The following SLC24A2 variants were observed in gnomAD, a reference collection of about 807,000 sequenced individuals.
The protein encoded by SLC24A2 is sodium/potassium/calcium exchanger 2.
SLC24A2 carries 36 observed loss-of-function variants against 62.0 expected under a neutral mutation model. That is an observed-to-expected ratio of 0.58 (90% CI 0.44 to 0.77). The LOEUF is 0.77. SLC24A2 is among the 30% of genes least tolerant of loss of function. The probability of loss-of-function intolerance (pLI) is 0.00; values close to 1 mark genes in which losing one functional copy is unlikely to be tolerated. For synonymous variants in SLC24A2, 358 were observed against 294.0 expected (o/e 1.22, Z -2.23); for missense variants, 846 against 817.9 (o/e 1.03, Z -0.42).
chr9:19,797,910 C>A, the SLC24A2 span, among the ~76,000 whole-genome samples: 8 of 152,182 alleles, frequency 5.3e-5, no homozygotes, highest in Admixed American at 2.0e-4. Context: ...TTCTTATTTT[C>A]AGCCCCTTCT....
At chr9:20,194,203 C>T in the SLC24A2 span, among the ~76,000 whole-genome samples, 4 of 151,732 alleles carry the variant, frequency 2.6e-5, no homozygotes, top group African/African-American at 4.8e-5. Context: ...GTCATGAAAA[C>T]CAGAAATCAA....
intron 8 of SLC24A2, among the ~76,000 whole-genome samples, chr9:19,535,737 G>A (rs989334280): frequency 1.3e-5 from 2 of 152,146 alleles, no homozygotes; most frequent in African/African-American, 4.8e-5. Flanking sequence ...CCAGTACCAT[G>A]CTGTTTTGGT....
intron 2 of SLC24A2, among the ~76,000 whole-genome samples, chr9:19,743,062 C>G (rs913397912): frequency 3.3e-5 from 5 of 152,126 alleles, no homozygotes; most frequent in Admixed American, 2.0e-4. Context: ...TGATATTTCC[C>G]TAAGTCTGAA....
At chr9:20,272,586 G>A in the SLC24A2 span, among the ~76,000 whole-genome samples, 1 of 152,130 alleles carries the variant, frequency 6.6e-6, no homozygotes, top group African/African-American at 2.4e-5. Context: ...GGAAAACTGA[G>A]AAACTAAAAC....
the SLC24A2 span, among the ~76,000 whole-genome samples, chr9:19,894,999 T>C: frequency 1.3e-5 from 2 of 152,324 alleles, no homozygotes; most frequent in South Asian, 4.1e-4. Flanking sequence ...TTTCAAAGCT[T>C]TCAAGACAAA....
the SLC24A2 span, among the ~76,000 whole-genome samples, chr9:19,838,464 C>CAG: frequency 5.0e-5 from 6 of 119,878 alleles, no homozygotes; most frequent in Admixed American, 3.1e-4. Flanking sequence ...ACCACACACA[C>CAG]ACACACACAC....
chr9:20,194,693 T>A, the SLC24A2 span, among the ~76,000 whole-genome samples: 2 of 152,184 alleles, frequency 1.3e-5, no homozygotes, highest in African/African-American at 4.8e-5. Context: ...ATGTTGTCTA[T>A]CCCTGTCTCT....
At chr9:19,637,532 GA>G in intron 2 of SLC24A2, among the ~76,000 whole-genome samples, 1 of 152,308 alleles carries the variant, frequency 6.6e-6, no homozygotes, top group Admixed American at 6.5e-5. Context: ...AAACAAATAA[GA>G]AAAAGTCTCC....
At chr9:20,221,815 A>G in the SLC24A2 span, among the ~76,000 whole-genome samples, 1 of 152,040 alleles carries the variant, frequency 6.6e-6, no homozygotes, top group Non-Finnish European at 1.5e-5. Flanking sequence ...CTGCAATTTC[A>G]TGTCCAGTCT....
the SLC24A2 span, among the ~76,000 whole-genome samples, chr9:20,255,771 T>C: frequency 1.3e-5 from 2 of 152,172 alleles, no homozygotes; most frequent in African/African-American, 4.8e-5. Context: ...ATAGAACACA[T>C]TCAGGTTAAA....
chr9:19,779,653 G>A (rs990352646), intron 2 of SLC24A2, among the ~76,000 whole-genome samples: 4 of 151,786 alleles, frequency 2.6e-5, no homozygotes, highest in Non-Finnish European at 5.9e-5. Flanking sequence ...GGAATGAGGA[G>A]GGGAAAAACC....
chr9:19,617,821 C>T (rs1013266285), intron 4 of SLC24A2, among the ~76,000 whole-genome samples: 35 of 152,160 alleles, frequency 2.3e-4, no homozygotes, highest in African/African-American at 7.7e-4. Flanking sequence ...ATGACATAAC[C>T]TGATTTACTT....
At chr9:20,235,309 G>T in the SLC24A2 span, among the ~76,000 whole-genome samples, 1 of 152,212 alleles carries the variant, frequency 6.6e-6, no homozygotes, top group Non-Finnish European at 1.5e-5. Flanking sequence ...GTTTGTCTGT[G>T]CCCTGCCCCC....
chr9:19,622,734 A>G (rs1422870453), intron 2 of SLC24A2, among the ~76,000 whole-genome samples: 1 of 152,270 alleles, frequency 6.6e-6, no homozygotes, highest in Admixed American at 6.5e-5. Flanking sequence ...TAGTGCATAT[A>G]AAGAAAAAAA....
At chr9:19,959,807 G>A in the SLC24A2 span, among the ~76,000 whole-genome samples, 2 of 152,132 alleles carry the variant, frequency 1.3e-5, no homozygotes, top group Non-Finnish European at 2.9e-5. Flanking sequence ...GTGTTAAGAA[G>A]TTTACACGAT....
At chr9:19,633,688 G>A (rs1432901507) in intron 2 of SLC24A2, among the ~76,000 whole-genome samples, 1 of 152,096 alleles carries the variant, frequency 6.6e-6, no homozygotes, top group Non-Finnish European at 1.5e-5. Context: ...TTTCTGTAAT[G>A]GCTTATGATG....
At chr9:20,268,731 C>T in the SLC24A2 span, among the ~76,000 whole-genome samples, 1 of 152,214 alleles carries the variant, frequency 6.6e-6, no homozygotes, top group Non-Finnish European at 1.5e-5. Flanking sequence ...CTTCTTCAGG[C>T]TTGCCTCTCA....
chr9:20,278,186 T>A, the SLC24A2 span, among the ~76,000 whole-genome samples: 1 of 152,140 alleles, frequency 6.6e-6, no homozygotes, highest in Non-Finnish European at 1.5e-5. Context: ...TATACATATG[T>A]AACAAACCGG....
At chr9:19,525,771 T>G (rs1007293953) in intron 9 of SLC24A2, among the ~76,000 whole-genome samples, 6 of 149,504 alleles carry the variant, frequency 4.0e-5, no homozygotes, top group African/African-American at 9.8e-5. Flanking sequence ...TACTGTTTTT[T>G]TTTTTTTTTT....
Sources: gnomAD v4.1 joint callset for allele counts (sites outside exome capture counted in the v4.1 genomes callset) on GRCh38, gnomAD v4.1.1 for gene constraint, MANE v1.5 for transcripts, NCBI Gene and HGNC (gene_info 2026-07-23, HGNC 2026-07-21) for gene names.